Variants in ANGPT4 observed in about 807,000 individuals in gnomAD.
ANGPT4 encodes the protein angiopoietin 4, also known as angiopoietin-4.
In ANGPT4, 50 loss-of-function variants were observed where a neutral mutation model predicts 53.0. That is an observed-to-expected ratio of 0.94 (90% CI 0.75 to 1.20). The LOEUF is 1.20. Among genes scored for constraint, ANGPT4 ranks in the 50% most tolerant of loss-of-function variants. The pLI, the probability that ANGPT4 is intolerant of heterozygous loss-of-function variation, is 0.00. For missense variants in ANGPT4, 648 were observed against 637.1 expected (o/e 1.02, Z -0.18); for synonymous variants, 251 against 259.7 (o/e 0.97, Z 0.32).
chr20:888,470 C>A (rs377208312), intron 2 of ANGPT4, 31 bp from the exon 3 acceptor site: 2 of 1,599,530 alleles, frequency 1.3e-6, no homozygotes, highest in Non-Finnish European at 8.5e-7. Flanking sequence ...AGGTAGGGGG[C>A]TGCGTAAGCG....
At chr20:880,249 A>C (rs1337396936) in intron 5 of ANGPT4, among the ~76,000 whole-genome samples, 2 of 152,172 alleles carry the variant, frequency 1.3e-5, no homozygotes, top group African/African-American at 2.4e-5. Context: ...GTGTGTGAGA[A>C]GTGTAAAAGA....
At chr20:888,468 G>A in intron 2 of ANGPT4, 29 bp from the exon 3 acceptor site, 1 of 1,601,742 alleles carries the variant, frequency 6.2e-7, no homozygotes, top group South Asian at 1.1e-5. Flanking sequence ...GCAGGTAGGG[G>A]GCTGCGTAAG....
intron 1 of ANGPT4, among the ~76,000 whole-genome samples, chr20:892,829 G>A (rs759500651): frequency 6.6e-6 from 1 of 152,116 alleles, no homozygotes; most frequent in Non-Finnish European, 1.5e-5. Context: ...ACCACGCGCA[G>A]TTCCCCCCTT....
intron 7 of ANGPT4, among the ~76,000 whole-genome samples, chr20:874,718 C>G (rs944322327): frequency 1.3e-5 from 2 of 152,178 alleles, no homozygotes; most frequent in Non-Finnish European, 2.9e-5. Context: ...AATACATATA[C>G]ATTTTTTTCT....
In ANGPT4 at chr20:888,314, C is replaced by T. The variant is rs1187045325; in HGVS notation, c.587+4G>A. On this transcript the variant is annotated splice_donor_region_variant and intron_variant, in intron 3 of 8. Coordinates refer to ENST00000381922, the MANE Select transcript of ANGPT4 (RefSeq NM_015985.4). ...CCTAGTCTGGTGCCAGGTGCCACACCCACCTGTTTTGGCCCTGAAGCTGCT... is the reference window on the plus strand; with the variant it reads ...CCTAGTCTGGTGCCAGGTGCCACACTCACCTGTTTTGGCCCTGAAGCTGCT... The T allele has an allele frequency of 1.2e-6, 2 of 1,612,186 alleles. No individual in the cohort carries two copies. Among genetic ancestry groups the T allele is most frequent in the Non-Finnish European group, 8.5e-7 (1 of 1,179,288 alleles).
intron 1 of ANGPT4, among the ~76,000 whole-genome samples, chr20:902,423 T>G (rs1291146372): frequency 6.6e-6 from 1 of 152,136 alleles, no homozygotes; most frequent in Non-Finnish European, 1.5e-5. Flanking sequence ...CCACAGGCTA[T>G]TACAGTGGTG....
chr20:887,439 C>T (rs1463790693), intron 3 of ANGPT4, among the ~76,000 whole-genome samples: 3 of 152,144 alleles, frequency 2.0e-5, no homozygotes, highest in Non-Finnish European at 4.4e-5. Context: ...GCTGGGGGAT[C>T]TTATGGCCTT....
chr20:877,307 C>A (rs1026259196), intron 7 of ANGPT4, among the ~76,000 whole-genome samples: 1 of 152,030 alleles, frequency 6.6e-6, no homozygotes, highest in African/African-American at 2.4e-5. Context: ...TTTTTGCAGC[C>A]CTGTGAGTGT....
intron 3 of ANGPT4, among the ~76,000 whole-genome samples, chr20:885,722 G>C (rs12626075): frequency 6.6e-6 from 1 of 151,886 alleles, no homozygotes; most frequent in Admixed American, 6.6e-5. Context: ...TAGCCTAGAT[G>C]CCCAAAAGCC....
In ANGPT4 at chr20:891,303, C is replaced by A. The variant is rs551395296; in HGVS notation, c.310-935G>T. ...TTTTCTATCTTCAGATCCCCTCTAT[C>A]TGCCAAATGGGGCTGGACTGGCCAG... On this transcript the variant is annotated intron_variant, in intron 1 of 8. Coordinates refer to ENST00000381922, the MANE Select transcript of ANGPT4 (RefSeq NM_015985.4). Among the ~76,000 whole-genome samples the A allele has an allele frequency of 1.8e-4, 28 of 152,354 alleles. No homozygotes were observed. In the South Asian group the frequency reaches 5.2e-3, roughly 28 times the overall value.
At chr20:888,191 C>G (rs1981687560) in intron 3 of ANGPT4, 127 bp downstream of exon 3, 1 of 1,309,700 alleles carries the variant, frequency 7.6e-7, no homozygotes, top group African/African-American at 1.5e-5. Context: ...CAGACACCAG[C>G]CCACGTCCAG....
intron 1 of ANGPT4, among the ~76,000 whole-genome samples, chr20:890,686 C>A (rs545070515): frequency 1.3e-5 from 2 of 152,330 alleles, no homozygotes; most frequent in Admixed American, 1.3e-4. Flanking sequence ...CAAAATCTTT[C>A]CAGGGTTCCT....
rs1397680780 is a variant in ANGPT4 at position 888,446 on chromosome 20, C to T, written c.466-7G>A. On this transcript the variant is annotated splice_region_variant and splice_polypyrimidine_tract_variant and intron_variant, in intron 2 of 8. Transcript: ENST00000381922. ...TTGATGTCTGGTTCAGGAGCTGCCC[C>T]AGCAAGCAGAAGCAGGTAGGGGGCT... 1 of 1,609,760 alleles carries T rather than the reference C, an allele frequency of 6.2e-7. No individual in the cohort carries two copies.
intron 2 of ANGPT4, 149 bp from the exon 3 acceptor site, chr20:888,588 GC>G (rs1455447146): frequency 2.2e-6 from 3 of 1,338,686 alleles, no homozygotes; most frequent in Non-Finnish European, 3.0e-6. Context: ...TCACTCACAG[GC>G]CCTGACTTAA....
intron 1 of ANGPT4, among the ~76,000 whole-genome samples, chr20:892,578 G>A (rs1191010644): frequency 6.9e-6 from 1 of 145,762 alleles, no homozygotes; most frequent in African/African-American, 2.6e-5. Flanking sequence ...CTGGGTAACA[G>A]AGTGAGACCG....
Position 881,234 on chromosome 20 carries a change from G to A in ANGPT4, c.888C>T (p.Arg296=), listed in dbSNP as rs374108889. 2 of 1,613,878 alleles carry A rather than the reference G, an allele frequency of 1.2e-6. No homozygotes were observed. Among genetic ancestry groups the A allele is most frequent in the Non-Finnish European group, 8.5e-7 (1 of 1,179,856 alleles). The part of the protein sequence containing the change: ...QVFQDCAEIQ[R]SGASASGVYT... ...AGACACCACTGGCACTGGCCCCAGA[G>A]CGCTGGATCTCTGCACAGTCCTGGA... is the stretch of plus-strand genomic sequence containing the variant. The change falls in exon 5 of 9, where the codon CGC becomes CGT. Residue 296 remains arginine (R), a synonymous_variant. Coordinates refer to ENST00000381922, the MANE Select transcript of ANGPT4 (RefSeq NM_015985.4).
At chr20:899,210 A>G (rs4813858) in intron 1 of ANGPT4, among the ~76,000 whole-genome samples, 24,950 of 150,638 alleles carry the variant, frequency 0.17, 2,345 homozygotes, top group Middle Eastern at 0.32. Context: ...AGGCTGCTAG[A>G]CTCCTTAAAA....
chr20:904,180 G>A (rs1033575226), intron 1 of ANGPT4, among the ~76,000 whole-genome samples: 1 of 152,176 alleles, frequency 6.6e-6, no homozygotes, highest in Non-Finnish European at 1.5e-5. Context: ...AAATTTTTCT[G>A]TCCCTGCCTC....
intron 1 of ANGPT4, among the ~76,000 whole-genome samples, chr20:910,961 C>A (rs948304231): frequency 3.3e-5 from 5 of 152,138 alleles, no homozygotes; most frequent in Non-Finnish European, 7.4e-5. Context: ...ATCCCCCAGT[C>A]CCAAACTGCT....
Sources: allele counts gnomAD v4.1 joint callset (sites outside exome capture counted in the v4.1 genomes callset), GRCh38; gene constraint gnomAD v4.1.1; transcripts MANE v1.5; gene names NCBI Gene and HGNC (gene_info 2026-07-23, HGNC 2026-07-21).